Variants in ANXA5 observed in about 807,000 individuals in gnomAD.
ANXA5 encodes the protein CBP-I.
Under a neutral mutation model 48.1 loss-of-function variants are expected in ANXA5, and 40 were observed. The ratio of observed to expected loss-of-function variants is 0.83; its 90% CI spans 0.65 to 1.08. The LOEUF (loss-of-function observed/expected upper bound fraction) is 1.08, where lower values mean the gene tolerates loss of function less well. Among genes scored for constraint, ANXA5 ranks in the 50% least tolerant of loss-of-function variants. The pLI is 0.00. For synonymous variants in ANXA5, 113 were observed against 129.1 expected (o/e 0.88, Z 0.85); for missense variants, 357 against 376.8 (o/e 0.95, Z 0.44).
chr4:121,688,278 T>A (rs1274654973), intron 2 of ANXA5, among the ~76,000 whole-genome samples: 2 of 152,154 alleles, frequency 1.3e-5, no homozygotes, highest in African/African-American at 4.8e-5. Context: ...AGCAGCCCAA[T>A]GAACTAAGGC....
intron 2 of ANXA5, 144 bp from the exon 3 acceptor site, chr4:121,686,516 C>T: frequency 1.5e-6 from 1 of 656,368 alleles, no homozygotes; most frequent in Non-Finnish European, 2.6e-6. Context: ...CCCTTTTGAA[C>T]TGGGAAGGGA....
At chr4:121,682,191 G>C (rs1348020217) in intron 5 of ANXA5, among the ~76,000 whole-genome samples, 2 of 152,170 alleles carry the variant, frequency 1.3e-5, no homozygotes, top group Admixed American at 1.3e-4. Context: ...CACCTCAAAA[G>C]ATAAACCCCT....
intron 2 of ANXA5, 30 bp from the exon 3 acceptor site, chr4:121,686,402 A>AT (rs1724891258): frequency 6.6e-7 from 1 of 1,505,008 alleles, no homozygotes; most frequent in East Asian, 2.3e-5. Context: ...GGTATTATTC[A>AT]TATCATGACT....
intron 2 of ANXA5, among the ~76,000 whole-genome samples, chr4:121,696,192 G>A (rs1361738277): frequency 1.4e-5 from 2 of 146,610 alleles, no homozygotes; most frequent in South Asian, 4.7e-4. Flanking sequence ...GGGTGGGGGG[G>A]GAATGCGTTC....
intron 6 of ANXA5, among the ~76,000 whole-genome samples, chr4:121,680,866 T>G (rs1224299849): frequency 1.3e-5 from 2 of 152,190 alleles, no homozygotes; most frequent in Non-Finnish European, 2.9e-5. Context: ...AATTATACAG[T>G]TGCTCTAAAC....
chr4:121,668,003 G>A lies in ANXA5; in HGVS notation c.*465C>T, dbSNP rs1724548185. 6.5e-6 allele frequency: 1 copy of A among 152,992 alleles called. No individual in the cohort carries two copies. The highest frequency in any genetic ancestry group is 6.5e-5 in the Admixed American group (1 of 15,358). The allele number at this position is 152,992 out of a possible 1,614,324, so 9.5% of individuals were successfully genotyped here. A position where few individuals can be genotyped will look rare whatever the true frequency, so the allele number is the denominator to read the frequency against. On this transcript the variant is annotated 3_prime_UTR_variant, in exon 13 of 13. Transcript: ENST00000296511. ...AACACACATGTACACATAATTCAGGGGGACAGAAATGTTTATTTTTCATTA... is the reference window on the plus strand; with the variant it reads ...AACACACATGTACACATAATTCAGGAGGACAGAAATGTTTATTTTTCATTA...
At chr4:121,685,694 G>A (rs950397573) in intron 3 of ANXA5, among the ~76,000 whole-genome samples, 2 of 152,146 alleles carry the variant, frequency 1.3e-5, no homozygotes, top group Non-Finnish European at 1.5e-5. Flanking sequence ...TGAGATGAGA[G>A]GTTTTTAAAT....
chr4:121,680,876 C>G (rs1487673891), intron 6 of ANXA5, among the ~76,000 whole-genome samples: 1 of 152,172 alleles, frequency 6.6e-6, no homozygotes, highest in Non-Finnish European at 1.5e-5. Context: ...TTGCTCTAAA[C>G]AATTTTTTGC....
In ANXA5 at chr4:121,686,321, C is replaced by T; in HGVS notation, c.61G>A (p.Ala21Thr). ...TTCATAGCCTTCCGAAGAGTTTCTGCATCAGCCCGCTCATCAAATCCAGGG... is the reference window on the plus strand; with the variant it reads ...TTCATAGCCTTCCGAAGAGTTTCTGTATCAGCCCGCTCATCAAATCCAGGG... ...DFPGFDERAD[A>T]ETLRKAMKGL... Residue 21 changes from alanine to threonine, a missense_variant, in exon 3 of 13, where the codon GCA (alanine) becomes ACA (threonine). Physicochemically the swap from Ala to Thr is moderately conservative, Grantham distance 58 (BLOSUM62 0). Transcript: ENST00000296511. The T allele has an allele frequency of 1.2e-6, 2 of 1,614,124 alleles. No homozygotes were observed.
At chr4:121,675,390 C>A (rs1375516995) in intron 8 of ANXA5, among the ~76,000 whole-genome samples, 1 of 152,202 alleles carries the variant, frequency 6.6e-6, no homozygotes, top group Non-Finnish European at 1.5e-5. Context: ...ATCTCAAATT[C>A]TCACTAGTGA....
At chr4:121,677,336 A>G (rs1724715620) in intron 8 of ANXA5, among the ~76,000 whole-genome samples, 1 of 152,168 alleles carries the variant, frequency 6.6e-6, no homozygotes, top group Non-Finnish European at 1.5e-5. Context: ...TAACTGTTTT[A>G]TTAACCAGAC....
intron 1 of ANXA5, 69 bp downstream of exon 1, chr4:121,696,794 G>T: frequency 2.5e-6 from 1 of 397,274 alleles, no homozygotes; most frequent in Non-Finnish European, 4.5e-6. Flanking sequence ...GCGTCCGCGC[G>T]AATCCAGTGC....
intron 8 of ANXA5, among the ~76,000 whole-genome samples, chr4:121,674,549 A>C (rs1054487645): frequency 6.6e-6 from 1 of 152,130 alleles, no homozygotes; most frequent in African/African-American, 2.4e-5. Flanking sequence ...AATGTCTAGA[A>C]ATGTTCTCTA....
intron 2 of ANXA5, among the ~76,000 whole-genome samples, chr4:121,690,920 G>A (rs1724973496): frequency 6.6e-6 from 1 of 152,196 alleles, no homozygotes; most frequent in Admixed American, 6.5e-5. Context: ...GTGAATCAGA[G>A]AAATGAGTAA....
intron 6 of ANXA5, among the ~76,000 whole-genome samples, chr4:121,681,182 T>C (rs1340778258): frequency 6.6e-6 from 1 of 152,180 alleles, no homozygotes; most frequent in East Asian, 1.9e-4. Flanking sequence ...AAAATCAAAA[T>C]GCAGAATATT....
chr4:121,692,123 T>C (rs1724997109), intron 2 of ANXA5, among the ~76,000 whole-genome samples: 2 of 152,188 alleles, frequency 1.3e-5, no homozygotes, highest in African/African-American at 4.8e-5. Context: ...ATCTTACTTG[T>C]TTTTGCTTCT....
At chr4:121,672,027 A>C (rs1274568438) in intron 9 of ANXA5, among the ~76,000 whole-genome samples, 1 of 152,206 alleles carries the variant, frequency 6.6e-6, no homozygotes, top group Non-Finnish European at 1.5e-5. Context: ...AAGAAAACCA[A>C]AACACTAGGG....
intron 2 of ANXA5, among the ~76,000 whole-genome samples, chr4:121,689,618 C>T (rs1724948159): frequency 6.6e-6 from 1 of 152,066 alleles, no homozygotes; most frequent in South Asian, 2.1e-4. Flanking sequence ...CAGACTGGAA[C>T]AAGCAGTAAG....
At position 121,669,740 on chromosome 4, in the gene ANXA5, A is replaced by AC. The variant is rs752041560; in HGVS notation, c.781-17_781-16insG. 6.3e-7 allele frequency: 1 copy of AC among 1,581,324 alleles called. No individual in the cohort carries two copies. Among genetic ancestry groups the AC allele is most frequent in the Admixed American group, 2.0e-5 (1 of 49,966 alleles). ...TCCCAGCTCCCTTTAAAAAAAAAAA[A>AC]AAAGAGAGAAGCAAAATGCTTAAAA... On this transcript the variant is annotated splice_polypyrimidine_tract_variant and intron_variant, in intron 11 of 12. Coordinates refer to ENST00000296511, the MANE Select transcript of ANXA5 (RefSeq NM_001154.4).
Sources: gnomAD v4.1 joint callset for allele counts (sites outside exome capture counted in the v4.1 genomes callset) on GRCh38, gnomAD v4.1.1 for gene constraint, MANE v1.5 for transcripts, NCBI Gene and HGNC (gene_info 2026-07-23, HGNC 2026-07-21) for gene names.